The following ZNF565 variants were observed in gnomAD, a reference collection of about 807,000 sequenced individuals.
ZNF565 encodes zinc finger protein 565.
A neutral mutation model predicts 39.4 loss-of-function variants in ZNF565; 27 were observed. The observed-to-expected ratio is 0.69, with a 90% CI of 0.51 to 0.95. ZNF565 has a LOEUF of 0.95. ZNF565 is among the 40% of genes least tolerant of loss of function. ZNF565 has a pLI of 0.00. For synonymous variants in ZNF565, 185 were observed against 216.6 expected (o/e 0.85, Z 1.28); for missense variants, 524 against 621.1 (o/e 0.84, Z 1.66).
chr19:36,242,295 AG>A (rs1977814127), intron 1 of ZNF565, among the ~76,000 whole-genome samples: 1 of 152,072 alleles, frequency 6.6e-6, no homozygotes, highest in Admixed American at 6.5e-5. Flanking sequence ...CTGTAGTCTC[AG>A]CTACTTGGGA....
intron 4 of ZNF565, among the ~76,000 whole-genome samples, chr19:36,187,658 G>GCCTCCAAACATATAATGCAA (rs1223035375): frequency 6.7e-6 from 1 of 150,156 alleles, no homozygotes; most frequent in African/African-American, 2.5e-5. Context: ...GCCCGGCCGA[G>GCCTCCAAACATATAATGCAA]ACAGAGTCTT....
intron 2 of ZNF565, among the ~76,000 whole-genome samples, chr19:36,200,975 C>T (rs557653035): frequency 4.9e-4 from 74 of 151,914 alleles, no homozygotes; most frequent in Admixed American, 1.9e-3. Flanking sequence ...ATATATTTGA[C>T]GGTATTAAGT....
intron 1 of ZNF565, among the ~76,000 whole-genome samples, chr19:36,219,911 A>G (rs1216397996): frequency 6.6e-6 from 1 of 152,162 alleles, no homozygotes; most frequent in Non-Finnish European, 1.5e-5. Flanking sequence ...TTTCATTGTT[A>G]CATCAAATTG....
intron 3 of ZNF565, 139 bp downstream of exon 3, chr19:36,194,891 C>T (rs771264292): frequency 7.4e-7 from 1 of 1,358,136 alleles, no homozygotes; most frequent in Non-Finnish European, 1.0e-6. Flanking sequence ...CCGGGCCTCT[C>T]TCTATGGCTG....
intron 1 of ZNF565, chr19:36,236,446 A>G: frequency 3.1e-6 from 5 of 1,599,396 alleles, no homozygotes; most frequent in Non-Finnish European, 3.4e-6. Flanking sequence ...TTCAGATGTC[A>G]CACCTCAGCC....
intron 1 of ZNF565, among the ~76,000 whole-genome samples, chr19:36,239,601 C>T (rs753615546): frequency 1.3e-5 from 2 of 152,126 alleles, no homozygotes; most frequent in African/African-American, 4.8e-5. Flanking sequence ...CATTACATTA[C>T]AGGTATGAGT....
intron 4 of ZNF565, among the ~76,000 whole-genome samples, chr19:36,190,049 G>C (rs1432359056): frequency 1.3e-5 from 2 of 151,802 alleles, no homozygotes; most frequent in Non-Finnish European, 2.9e-5. Context: ...GGCCAGACTG[G>C]TTTCGAACTC....
upstream of ZNF565, among the ~76,000 whole-genome samples, chr19:36,217,659 C>T (rs554740498): frequency 6.6e-5 from 10 of 151,984 alleles, no homozygotes; most frequent in South Asian, 8.3e-4. Context: ...CCAACGCAGG[C>T]GGATCACCTG....
At chr19:36,206,446 C>T (rs77113024) in intron 1 of ZNF565, among the ~76,000 whole-genome samples, 1 of 147,336 alleles carries the variant, frequency 6.8e-6, no homozygotes, top group East Asian at 2.0e-4. Context: ...CCCATCTCTA[C>T]AAAAAATTTG....
intron 4 of ZNF565, among the ~76,000 whole-genome samples, chr19:36,193,366 C>T (rs1234525072): frequency 1.3e-5 from 2 of 152,006 alleles, no homozygotes; most frequent in Non-Finnish European, 2.9e-5. Context: ...GATCCACCCA[C>T]CTCAGCCTGC....
intron 2 of ZNF565, among the ~76,000 whole-genome samples, chr19:36,195,461 A>G (rs1412476029): frequency 2.6e-5 from 4 of 151,692 alleles, no homozygotes; most frequent in African/African-American, 9.7e-5. Flanking sequence ...TCAGAATATC[A>G]TTATCATACT....
chr19:36,228,301 T>C (rs540526377), intron 1 of ZNF565, among the ~76,000 whole-genome samples: 13 of 152,298 alleles, frequency 8.5e-5, no homozygotes, highest in Non-Finnish European at 1.0e-4. Flanking sequence ...GCTTTAGTTC[T>C]GATGGGAACG....
intron 3 of ZNF565, chr19:36,194,541 G>C: frequency 2.0e-6 from 1 of 508,264 alleles, no homozygotes; most frequent in South Asian, 3.1e-5. Context: ...AAACTTGTAA[G>C]TTGCCCTAGA....
At chr19:36,207,833 C>T (rs74325204) in intron 1 of ZNF565, among the ~76,000 whole-genome samples, 2,530 of 152,226 alleles carry the variant, frequency 0.017, 50 homozygotes, top group African/African-American at 0.057. Context: ...CATGTGGTGA[C>T]CATCTGTTTT....
chr19:36,182,797 G>T lies in ZNF565; in HGVS notation c.1169C>A (p.Pro390His). The change falls in exon 5 of 5, where the codon CCC (proline) becomes CAC (histidine). Residue 390 changes from proline (P) to histidine (H), a missense_variant. Transcript: ENST00000304116. Reference sequence around the variant, plus strand: ...CTTCCCGCAGTCCTTACATTCATAGGGTCTGTCGCCAGTATGGACTCTCTG... The same window carrying T: ...CTTCCCGCAGTCCTTACATTCATAGTGTCTGTCGCCAGTATGGACTCTCTG... Reference protein sequence around the residue: ...RHQRVHTGDRPYECKDCGKAF... With the variant: ...RHQRVHTGDRHYECKDCGKAF... 6.2e-7 allele frequency: 1 copy of T among 1,614,102 alleles called. No homozygotes were observed.
intron 1 of ZNF565, among the ~76,000 whole-genome samples, chr19:36,229,806 G>A (rs943882668): frequency 6.6e-6 from 1 of 152,160 alleles, no homozygotes; most frequent in Non-Finnish European, 1.5e-5. Flanking sequence ...TGCAACCTCC[G>A]CCTCCTGGGG....
chr19:36,203,098 G>T (rs1315150556), intron 1 of ZNF565, among the ~76,000 whole-genome samples: 1 of 152,020 alleles, frequency 6.6e-6, no homozygotes, highest in Non-Finnish European at 1.5e-5. Context: ...ACTTTGGGAG[G>T]CCAAGGCAGG....
chr19:36,189,238 G>A (rs773517803), intron 4 of ZNF565, among the ~76,000 whole-genome samples: 6 of 152,006 alleles, frequency 3.9e-5, no homozygotes, highest in Non-Finnish European at 7.4e-5. Flanking sequence ...GCAGTGAGCC[G>A]AGATCGTGCT....
At chr19:36,209,560 A>G (rs1182378436) in intron 1 of ZNF565, among the ~76,000 whole-genome samples, 1 of 140,654 alleles carries the variant, frequency 7.1e-6, no homozygotes, top group Non-Finnish European at 1.5e-5. Context: ...TGGGATTGGG[A>G]GAGAAGAAAT....
Sources: gnomAD v4.1 joint callset for allele counts (sites outside exome capture counted in the v4.1 genomes callset) on GRCh38, gnomAD v4.1.1 for gene constraint, MANE v1.5 for transcripts, NCBI Gene and HGNC (gene_info 2026-07-23, HGNC 2026-07-21) for gene names.